PLEKHA5: variants seen among roughly 807,000 people sequenced by gnomAD.
The protein encoded by PLEKHA5 is pleckstrin homology domain-containing family A member 5.
PLEKHA5 carries 55 observed loss-of-function variants against 181.9 expected under a neutral mutation model. The ratio of observed to expected loss-of-function variants is 0.30; its 90% CI spans 0.24 to 0.38. PLEKHA5 has a LOEUF of 0.38. Ranked by LOEUF, PLEKHA5 falls within the 10% of genes least tolerant of loss-of-function variation. The pLI, the probability that PLEKHA5 is intolerant of heterozygous loss-of-function variation, is 1.00. For missense variants in PLEKHA5, 1,432 were observed against 1,549.5 expected (o/e 0.92, Z 1.27); for synonymous variants, 535 against 529.4 (o/e 1.01, Z -0.15).
chr12:19,251,739 C>CAAAAAAA (rs374276545), intron 3 of PLEKHA5, among the ~76,000 whole-genome samples: 1 of 65,608 alleles, frequency 1.5e-5, no homozygotes. Context: ...GAGGCCCATC[C>CAAAAAAA]AAAAAAAAAA....
intron 22 of PLEKHA5, among the ~76,000 whole-genome samples, 198 bp from the exon 23 acceptor site, chr12:19,345,644 A>G (rs2094281588): frequency 6.6e-6 from 1 of 151,612 alleles, no homozygotes; most frequent in Non-Finnish European, 1.5e-5. Context: ...GCACGCCTGT[A>G]GTCCCAGCTA....
intron 3 of PLEKHA5, among the ~76,000 whole-genome samples, chr12:19,236,709 C>T (rs896311178): frequency 3.3e-5 from 5 of 152,214 alleles, no homozygotes; most frequent in African/African-American, 1.2e-4. Context: ...AGTGTTTTAT[C>T]CTATGCTATA....
intron 3 of PLEKHA5, among the ~76,000 whole-genome samples, chr12:19,179,517 T>C (rs2151819701): frequency 6.6e-6 from 1 of 151,880 alleles, no homozygotes; most frequent in Admixed American, 6.6e-5. Flanking sequence ...AAAATTAGCC[T>C]GGCGTGGTGG....
At chr12:19,318,421 A>G (rs1214712785) in intron 16 of PLEKHA5, among the ~76,000 whole-genome samples, 1 of 152,172 alleles carries the variant, frequency 6.6e-6, no homozygotes, top group Non-Finnish European at 1.5e-5. Flanking sequence ...TAAATCTGCA[A>G]TAAGATTCCC....
chr12:19,362,071 G>A (rs1402947328), intron 29 of PLEKHA5, among the ~76,000 whole-genome samples: 8 of 148,930 alleles, frequency 5.4e-5, no homozygotes, highest in Admixed American at 3.4e-4. Flanking sequence ...CGGAGGCTGA[G>A]GTGAGAAGAT....
At chr12:19,173,893 T>A (rs918145961) in intron 3 of PLEKHA5, among the ~76,000 whole-genome samples, 29 of 152,220 alleles carry the variant, frequency 1.9e-4, no homozygotes, top group African/African-American at 7.0e-4. Context: ...TTTTAAGTAT[T>A]GGAATTAGGA....
At chr12:19,229,182 C>T (rs1297107237) in intron 3 of PLEKHA5, among the ~76,000 whole-genome samples, 2 of 152,154 alleles carry the variant, frequency 1.3e-5, no homozygotes, top group Admixed American at 6.5e-5. Flanking sequence ...AGCCATACCC[C>T]AGTAAAACTT....
intron 6 of PLEKHA5, among the ~76,000 whole-genome samples, chr12:19,258,738 G>T (rs536174008): frequency 1.3e-5 from 2 of 151,688 alleles, no homozygotes; most frequent in Non-Finnish European, 2.9e-5. Flanking sequence ...GCTAATTTTT[G>T]TATTTTTAGT....
intron 3 of PLEKHA5, among the ~76,000 whole-genome samples, chr12:19,223,176 G>C (rs1462809906): frequency 6.6e-6 from 1 of 151,778 alleles, no homozygotes; most frequent in Non-Finnish European, 1.5e-5. Flanking sequence ...GTTGTCTCTA[G>C]GGTTGCCAAG....
intron 15 of PLEKHA5, chr12:19,306,694 C>CT: frequency 6.8e-7 from 1 of 1,472,444 alleles, no homozygotes; most frequent in Non-Finnish European, 9.4e-7. Context: ...GATGCGGACT[C>CT]TCTTCGGTTT....
intron 26 of PLEKHA5, among the ~76,000 whole-genome samples, chr12:19,357,165 G>T (rs1027166698): frequency 1.3e-5 from 2 of 151,324 alleles, no homozygotes; most frequent in African/African-American, 4.9e-5. Context: ...GTTTTATTCA[G>T]TTTTCTCTTT....
intron 11 of PLEKHA5, among the ~76,000 whole-genome samples, chr12:19,280,000 A>G (rs1030552835): frequency 6.9e-6 from 1 of 145,484 alleles, no homozygotes; most frequent in East Asian, 2.0e-4. Flanking sequence ...GGTGCCTCAT[A>G]GTCCAGAATG....
At chr12:19,141,635 G>T (rs1393425620) in intron 3 of PLEKHA5, among the ~76,000 whole-genome samples, 1 of 152,206 alleles carries the variant, frequency 6.6e-6, no homozygotes, top group South Asian at 2.1e-4. Context: ...AGTTATTCGG[G>T]ATGGTTCAGG....
At chr12:19,230,762 G>A (rs1202028531) in intron 3 of PLEKHA5, among the ~76,000 whole-genome samples, 6 of 152,110 alleles carry the variant, frequency 3.9e-5, no homozygotes, top group African/African-American at 1.4e-4. Context: ...GCAAGCAGAG[G>A]GAGCCGGCTC....
intron 15 of PLEKHA5, among the ~76,000 whole-genome samples, chr12:19,298,762 G>A (rs1029256093): frequency 2.0e-5 from 3 of 152,142 alleles, no homozygotes; most frequent in African/African-American, 7.2e-5. Flanking sequence ...AATATCAGTT[G>A]CTATTAACGT....
chr12:19,225,273 C>T (rs752002464), intron 3 of PLEKHA5, among the ~76,000 whole-genome samples: 1 of 152,092 alleles, frequency 6.6e-6, no homozygotes, highest in Admixed American at 6.6e-5. Flanking sequence ...TTGCCTACTG[C>T]GTGTGTCAGA....
intron 7 of PLEKHA5, among the ~76,000 whole-genome samples, chr12:19,261,498 T>C (rs996546773): frequency 6.6e-6 from 1 of 152,194 alleles, no homozygotes; most frequent in Non-Finnish European, 1.5e-5. Context: ...AGCTTTTCTC[T>C]GGTTAGTAAA....
intron 3 of PLEKHA5, among the ~76,000 whole-genome samples, chr12:19,189,472 G>C (rs150688218): frequency 6.6e-6 from 1 of 152,228 alleles, no homozygotes; most frequent in East Asian, 1.9e-4. Flanking sequence ...TCATGCAGCT[G>C]AGTGGAGAGT....
At chr12:19,162,806 A>G (rs1056374708) in intron 3 of PLEKHA5, among the ~76,000 whole-genome samples, 2 of 152,154 alleles carry the variant, frequency 1.3e-5, no homozygotes, top group Non-Finnish European at 2.9e-5. Context: ...GAGACAATGA[A>G]AGTAAAGTGG....
Sources: allele counts gnomAD v4.1 joint callset (sites outside exome capture counted in the v4.1 genomes callset), GRCh38; gene constraint gnomAD v4.1.1; transcripts MANE v1.5; gene names NCBI Gene and HGNC (gene_info 2026-07-23, HGNC 2026-07-21).